The following KLHDC4 variants were observed in gnomAD, a reference collection of about 807,000 sequenced individuals.
KLHDC4 encodes the protein kelch domain containing 4, also known as kelch domain-containing protein 4.
Under a neutral mutation model 62.4 loss-of-function variants are expected in KLHDC4, and 90 were observed. That is an observed-to-expected ratio of 1.44 (90% CI 1.22 to 1.72). The LOEUF is 1.72. KLHDC4 is among the 40% of genes most tolerant of loss of function. KLHDC4 has a pLI of 0.00. For synonymous variants in KLHDC4, 386 were observed against 284.4 expected, an observed-to-expected ratio of 1.36 and a Z score of -3.59; for missense variants, 1,025 against 699.7, an observed-to-expected ratio of 1.47 and a Z score of -5.25.
intron 5 of KLHDC4, among the ~76,000 whole-genome samples, chr16:87,731,634 C>G (rs923533363): frequency 6.6e-6 from 1 of 151,498 alleles, no homozygotes; most frequent in Non-Finnish European, 1.5e-5. Context: ...GCCATGGCAC[C>G]GGTGAAAACG....
chr16:87,705,411 G>A (rs1710107591), downstream of KLHDC4, among the ~76,000 whole-genome samples: 3 of 152,236 alleles, frequency 2.0e-5, no homozygotes, highest in African/African-American at 4.8e-5. Context: ...CATCACGGCC[G>A]TGACAGCCAC....
At chr16:87,759,236 A>T (rs550875022) in intron 2 of KLHDC4, among the ~76,000 whole-genome samples, 22 of 152,082 alleles carry the variant, frequency 1.4e-4, no homozygotes, top group African/African-American at 4.8e-5. Flanking sequence ...TTTTACCACA[A>T]TAAAAAAAAC....
intron 1 of KLHDC4, chr16:87,765,404 A>G (rs773904157): frequency 1.2e-5 from 6 of 480,884 alleles, no homozygotes; most frequent in South Asian, 3.1e-5. Flanking sequence ...CACATCATGC[A>G]GAGGCAGCCC....
chr16:87,720,321 G>C (rs1597466798), intron 7 of KLHDC4, among the ~76,000 whole-genome samples: 2 of 152,316 alleles, frequency 1.3e-5, no homozygotes, highest in Admixed American at 1.3e-4. Flanking sequence ...CAGGGATAGG[G>C]TGTCGGTTCC....
In KLHDC4 at chr16:87,765,843, C is replaced by T; in HGVS notation, c.48G>A (p.Lys16=). The T allele has an allele frequency of 6.4e-7, 1 of 1,556,494 alleles. No individual in the cohort carries two copies. The highest frequency in any genetic ancestry group is 8.7e-7 in the Non-Finnish European group (1 of 1,149,502). Residue 16 remains lysine (K), a synonymous_variant, in exon 1 of 12, where the codon AAG becomes AAA. Coordinates refer to ENST00000270583, the MANE Select transcript of KLHDC4 (RefSeq NM_017566.4). ...KKEKKGRGAE[K]TAAKMEKKVS... ...CCTTCTTCTCCATCTTGGCGGCCGT[C>T]TTCTCCGCGCCGCGGCCCTTCTTCT...
chr16:87,752,077 GA>G, intron 4 of KLHDC4, among the ~76,000 whole-genome samples: 1 of 73,264 alleles, frequency 1.4e-5, no homozygotes, highest in Non-Finnish European at 2.4e-5. Flanking sequence ...GCAACAGAGT[GA>G]GACTTTGTCT....
At chr16:87,708,326 A>G in intron 11 of KLHDC4, 24 bp downstream of exon 11, 1 of 1,485,174 alleles carries the variant, frequency 6.7e-7, no homozygotes, top group South Asian at 1.2e-5. Context: ...CAGCCGCGCC[A>G]CCCGCCAGCC....
intron 7 of KLHDC4, among the ~76,000 whole-genome samples, chr16:87,725,875 C>T (rs892172715): frequency 6.6e-6 from 1 of 152,144 alleles, no homozygotes; most frequent in Non-Finnish European, 1.5e-5. Context: ...GAAACAAGCC[C>T]GTTAACAGGA....
intron 5 of KLHDC4, among the ~76,000 whole-genome samples, chr16:87,742,203 G>A (rs2042339280): frequency 6.6e-6 from 1 of 152,136 alleles, no homozygotes; most frequent in Admixed American, 6.6e-5. Context: ...CACTGCACCA[G>A]GATGCCACAC....
At chr16:87,719,871 G>A (rs531889192) in intron 7 of KLHDC4, among the ~76,000 whole-genome samples, 1 of 152,184 alleles carries the variant, frequency 6.6e-6, no homozygotes, top group Admixed American at 6.5e-5. Flanking sequence ...TGAGACCCCA[G>A]AGCCCAGCAG....
At chr16:87,706,977 A>C (rs1485553361), downstream of KLHDC4, among the ~76,000 whole-genome samples, 1 of 152,126 alleles carries the variant, frequency 6.6e-6, no homozygotes, top group Non-Finnish European at 1.5e-5. Context: ...AAGTCTCCCC[A>C]CCACCCTTGT....
chr16:87,700,446 G>A (rs187693990), exon 1 of KLHDC4: 74 of 160,442 alleles, frequency 4.6e-4, no homozygotes, highest in African/African-American at 1.3e-3. Context: ...CCAAGACCCC[G>A]ATTCCAGATA....
chr16:87,716,631 A>G (rs2037046139), intron 7 of KLHDC4, among the ~76,000 whole-genome samples: 1 of 152,122 alleles, frequency 6.6e-6, no homozygotes, highest in Admixed American at 6.5e-5. Flanking sequence ...GAATAGTGTT[A>G]GAAACCAAGA....
intron 7 of KLHDC4, among the ~76,000 whole-genome samples, chr16:87,724,948 C>T (rs2039077252): frequency 6.6e-6 from 1 of 152,222 alleles, no homozygotes; most frequent in Non-Finnish European, 1.5e-5. Flanking sequence ...AGAACGGAAA[C>T]AGCCCAGGTG....
chr16:87,720,188 G>A (rs978935861), intron 7 of KLHDC4, among the ~76,000 whole-genome samples: 11 of 152,216 alleles, frequency 7.2e-5, no homozygotes, highest in Admixed American at 4.6e-4. Flanking sequence ...AGAATGGGCC[G>A]GCGGTGCAGT....
intron 5 of KLHDC4, among the ~76,000 whole-genome samples, chr16:87,738,659 T>TCTCATCCATCCACACACCAGCAC (rs1597219907): frequency 3.6e-5 from 3 of 82,644 alleles, no homozygotes; most frequent in African/African-American, 1.4e-4. Flanking sequence ...CACACCAGCA[T>TCTCATCCATCCACACACCAGCAC]CTCATCCATC....
Position 87,709,667 on chromosome 16 carries a change from C to A in KLHDC4, c.1045G>T (p.Gly349Ter), listed in dbSNP as rs749811448. 6.3e-7 allele frequency: 1 copy of A among 1,590,332 alleles called. No homozygotes were observed. Among genetic ancestry groups the A allele is most frequent in the East Asian group, 2.3e-5 (1 of 44,340 alleles). The change falls in exon 10 of 12, where the codon GGA (glycine) becomes TGA (stop). Residue 349 changes from glycine (G) to a stop codon, truncating the protein, a stop_gained and splice_region_variant. Transcript: ENST00000270583. LOFTEE classifies it high-confidence loss of function. ...CGTTTCTTCTTTTCAGACTTGGGTC[C>A]CTATTAATAGACCGAGGAAGCAGAG... ...RNRWFEGQLKGPKSEKKKRRR... is the reference protein window; with the variant it reads ...RNRWFEGQLK
At chr16:87,718,382 CCTCTCCCTCTCT>C (rs1432095400) in intron 7 of KLHDC4, among the ~76,000 whole-genome samples, 1 of 133,816 alleles carries the variant, frequency 7.5e-6, no homozygotes, top group Non-Finnish European at 1.6e-5. Context: ...TCTCCCTCTC[CCTCTCCCTCTCT>C]CTCCACGGTC....
intron 7 of KLHDC4, among the ~76,000 whole-genome samples, chr16:87,725,056 G>C (rs933743595): frequency 2.0e-4 from 30 of 151,294 alleles, no homozygotes; most frequent in African/African-American, 6.8e-4. Flanking sequence ...ACGTGGGTCT[G>C]AAAAGCTGAG....
Sources: gnomAD v4.1 joint callset for allele counts (sites outside exome capture counted in the v4.1 genomes callset) on GRCh38, gnomAD v4.1.1 for gene constraint, MANE v1.5 for transcripts, NCBI Gene and HGNC (gene_info 2026-07-23, HGNC 2026-07-21) for gene names.